LY75: variants seen among roughly 807,000 people sequenced by gnomAD.
LY75 encodes C-type lectin domain family 13 member B.
In LY75, 185 loss-of-function variants were observed where a neutral mutation model predicts 231.7. The ratio of observed to expected loss-of-function variants is 0.80; its 90% CI spans 0.71 to 0.90. LY75 has a LOEUF of 0.90. Among genes scored for constraint, LY75 ranks in the 40% least tolerant of loss-of-function variants. The pLI is 0.00. For synonymous variants in LY75, 668 were observed against 689.0 expected, an observed-to-expected ratio of 0.97 and a Z score of 0.48; for missense variants, 1,947 against 2,050.2, an observed-to-expected ratio of 0.95 and a Z score of 0.97.
chr2:159,842,433 C>T (rs1225834300), intron 23 of LY75, 59 bp from the exon 24 acceptor site: 1 of 1,513,610 alleles, frequency 6.6e-7, no homozygotes, highest in East Asian at 2.5e-5. Flanking sequence ...AAGCTCCTAG[C>T]AAGAAAAGTT....
intron 13 of LY75, among the ~76,000 whole-genome samples, chr2:159,867,641 T>C (rs1465240196): frequency 1.3e-5 from 2 of 152,228 alleles, no homozygotes; most frequent in African/African-American, 4.8e-5. Context: ...GAAAACAGTA[T>C]CTCAGCCATA....
At chr2:159,827,060 A>G (rs1291524001) in intron 28 of LY75, among the ~76,000 whole-genome samples, 1 of 152,226 alleles carries the variant, frequency 6.6e-6, no homozygotes, top group Non-Finnish European at 1.5e-5. Flanking sequence ...CAAAGACTTC[A>G]TGTCTAAAAC....
intron 21 of LY75, 137 bp from the exon 22 acceptor site, chr2:159,850,604 G>A (rs1339005962): frequency 1.1e-5 from 12 of 1,072,142 alleles, no homozygotes; most frequent in Non-Finnish European, 1.6e-5. Context: ...AGTACCATAA[G>A]AATTCAAGTT....
intron 13 of LY75, among the ~76,000 whole-genome samples, chr2:159,869,225 C>A (rs1159053626): frequency 6.6e-6 from 1 of 151,674 alleles, no homozygotes; most frequent in Non-Finnish European, 1.5e-5. Context: ...GTGCAGCAAA[C>A]CAACATGGCA....
chr2:159,895,182 T>C (rs563007366), intron 2 of LY75, among the ~76,000 whole-genome samples: 1 of 152,368 alleles, frequency 6.6e-6, no homozygotes, highest in East Asian at 1.9e-4. Context: ...CAGCTTAGAA[T>C]GTAATAAGCA....
At chr2:159,840,460 T>A (rs1290102855) in intron 25 of LY75, among the ~76,000 whole-genome samples, 3 of 152,088 alleles carry the variant, frequency 2.0e-5, no homozygotes, top group Non-Finnish European at 4.4e-5. Context: ...CAGTCCCAGA[T>A]ACTCAAGAGG....
At chr2:159,819,584 C>T in intron 29 of LY75, 142 bp downstream of exon 29, 1 of 1,018,252 alleles carries the variant, frequency 9.8e-7, no homozygotes, top group Non-Finnish European at 1.4e-6. Context: ...CGTATCTTTT[C>T]CTTCCTCGAT....
At chr2:159,822,746 C>T (rs910008295) in intron 28 of LY75, among the ~76,000 whole-genome samples, 1 of 152,168 alleles carries the variant, frequency 6.6e-6, no homozygotes, top group African/African-American at 2.4e-5. Context: ...GCAGGTGCCC[C>T]TCTGGGAAGA....
chr2:159,862,017 G>A (rs1381192933), intron 14 of LY75, among the ~76,000 whole-genome samples: 4 of 151,984 alleles, frequency 2.6e-5, no homozygotes, highest in South Asian at 4.2e-4. Context: ...TTAGCTGGGC[G>A]TGGAAGGGCA....
At chr2:159,850,867 T>C (rs1684382914) in intron 21 of LY75, among the ~76,000 whole-genome samples, 1 of 145,196 alleles carries the variant, frequency 6.9e-6, no homozygotes, top group South Asian at 2.1e-4. Context: ...TATATCTTTA[T>C]ATATTTAAAG....
At chr2:159,874,601 A>ATG (rs1221608933) in intron 12 of LY75, among the ~76,000 whole-genome samples, 7,309 of 126,814 alleles carry the variant, frequency 0.058, 1,692 homozygotes, top group East Asian at 0.16. Flanking sequence ...ATATATAAAT[A>ATG]TATATATTTT....
intron 5 of LY75, among the ~76,000 whole-genome samples, chr2:159,886,053 G>A (rs1480810730): frequency 5.9e-5 from 9 of 152,062 alleles, no homozygotes; most frequent in Non-Finnish European, 8.8e-5. Flanking sequence ...GAAAACGAGC[G>A]GATAATTCCA....
rs553845643 is a variant in LY75, at chr2:159,826,569, C to T, written c.3958+5101G>A. Among the ~76,000 whole-genome samples, 5 of 152,306 alleles carry T rather than the reference C, an allele frequency of 3.3e-5. No homozygotes were observed. The South Asian group carries it at 1.0e-3, about 32-fold the overall frequency. On this transcript the variant is annotated intron_variant, in intron 28 of 34. Coordinates refer to ENST00000263636, the MANE Select transcript of LY75 (RefSeq NM_002349.4). ...TAGATTCAATGCTATCCCCATGAAG[C>T]TACCACTGACTTTCTTCACAGAACT...
At chr2:159,864,588 C>T (rs954718280) in intron 14 of LY75, among the ~76,000 whole-genome samples, 5 of 152,050 alleles carry the variant, frequency 3.3e-5, no homozygotes, top group South Asian at 2.1e-4. Context: ...TATTCTGTTC[C>T]GTTGGTCTAA....
At chr2:159,885,358 G>A in intron 5 of LY75, 65 bp from the exon 6 acceptor site, 1 of 1,541,346 alleles carries the variant, frequency 6.5e-7, no homozygotes, top group Non-Finnish European at 8.8e-7. Flanking sequence ...GTGTCAGAAA[G>A]AATAATTTGT....
chr2:159,826,709 C>T (rs943351253), intron 28 of LY75, among the ~76,000 whole-genome samples: 2 of 152,124 alleles, frequency 1.3e-5, no homozygotes, highest in South Asian at 4.1e-4. Context: ...TCAAACTATA[C>T]TATGAGGCTA....
chr2:159,880,451 C>T (rs190808333), intron 8 of LY75, among the ~76,000 whole-genome samples: 3 of 152,070 alleles, frequency 2.0e-5, no homozygotes, highest in South Asian at 2.1e-4. Flanking sequence ...GGCTATCTGC[C>T]GAATATCACA....
At chr2:159,811,684 C>T (rs958311065) in intron 31 of LY75, among the ~76,000 whole-genome samples, 7 of 152,140 alleles carry the variant, frequency 4.6e-5, no homozygotes, top group African/African-American at 9.7e-5. Flanking sequence ...AGAGGAATGG[C>T]GGCTACTGTG....
intron 2 of LY75, 160 bp from the exon 3 acceptor site, chr2:159,894,244 G>A (rs1010462328): frequency 6.2e-6 from 3 of 487,444 alleles, no homozygotes; most frequent in African/African-American, 2.1e-5. Flanking sequence ...GGATATGAAT[G>A]CTGGCTCCCT....
Sources: gnomAD v4.1 joint callset for allele counts (sites outside exome capture counted in the v4.1 genomes callset) on GRCh38, gnomAD v4.1.1 for gene constraint, MANE v1.5 for transcripts, NCBI Gene and HGNC (gene_info 2026-07-23, HGNC 2026-07-21) for gene names.